The following LRRC4C variants were observed in gnomAD, a reference collection of about 807,000 sequenced individuals.
LRRC4C encodes the protein leucine-rich repeat-containing protein 4C.
In LRRC4C, 5 loss-of-function variants were observed where a neutral mutation model predicts 33.6. That is an observed-to-expected ratio of 0.15 (90% CI 0.08 to 0.31). The LOEUF (loss-of-function observed/expected upper bound fraction) is 0.31, where lower values mean the gene tolerates loss of function less well. Among genes scored for constraint, LRRC4C ranks in the 10% least tolerant of loss-of-function variants. The probability of loss-of-function intolerance (pLI) is 1.00; values close to 1 mark genes in which losing one functional copy is unlikely to be tolerated. For synonymous variants in LRRC4C, 329 were observed against 302.0 expected, an observed-to-expected ratio of 1.09 and a Z score of -0.93; for missense variants, 560 against 796.7, an observed-to-expected ratio of 0.70 and a Z score of 3.58.
intron 3 of LRRC4C, among the ~76,000 whole-genome samples, chr11:40,423,394 G>T (rs1004438396): frequency 4.2e-5 from 6 of 143,030 alleles, no homozygotes; most frequent in Non-Finnish European, 3.0e-5. Flanking sequence ...GCCCAGGCTG[G>T]AGTGCAGTGG....
chr11:40,175,434 C>CA (rs1860397107), intron 5 of LRRC4C, among the ~76,000 whole-genome samples: 1 of 152,168 alleles, frequency 6.6e-6, no homozygotes, highest in African/African-American at 2.4e-5. Flanking sequence ...TTCTTCTACT[C>CA]AAACAAAACA....
intron 1 of LRRC4C, among the ~76,000 whole-genome samples, chr11:41,163,981 G>C (rs969474177): frequency 6.6e-6 from 1 of 151,970 alleles, no homozygotes; most frequent in African/African-American, 2.4e-5. Flanking sequence ...CATATTTATG[G>C]GGTACAGCTG....
intron 1 of LRRC4C, among the ~76,000 whole-genome samples, chr11:41,296,577 T>G (rs953200503): frequency 6.6e-6 from 1 of 152,108 alleles, no homozygotes; most frequent in African/African-American, 2.4e-5. Flanking sequence ...AGCCTCCCAG[T>G]GTGCTGGGAT....
intron 2 of LRRC4C, among the ~76,000 whole-genome samples, chr11:40,779,497 T>C (rs1187924298): frequency 2.0e-5 from 3 of 152,224 alleles, no homozygotes; most frequent in Non-Finnish European, 4.4e-5. Context: ...TATTAATATA[T>C]GTGCTCATTT....
At chr11:41,376,135 A>G (rs1409937853) in intron 1 of LRRC4C, among the ~76,000 whole-genome samples, 1 of 150,992 alleles carries the variant, frequency 6.6e-6, no homozygotes, top group East Asian at 1.9e-4. Context: ...CTCTGTAGAG[A>G]AAGAAAAAAA....
intron 3 of LRRC4C, among the ~76,000 whole-genome samples, chr11:40,540,148 T>C (rs961092214): frequency 2.6e-5 from 4 of 152,202 alleles, no homozygotes; most frequent in Non-Finnish European, 5.9e-5. Context: ...GCACCAACTC[T>C]ACTATTCAGT....
chr11:41,083,744 A>G (rs1232725594), intron 1 of LRRC4C, among the ~76,000 whole-genome samples: 1 of 152,220 alleles, frequency 6.6e-6, no homozygotes, highest in Admixed American at 6.5e-5. Context: ...ATGCTGCAGC[A>G]GAGATAATGT....
intron 5 of LRRC4C, among the ~76,000 whole-genome samples, chr11:40,239,989 C>A (rs1014643411): frequency 2.0e-5 from 3 of 152,198 alleles, no homozygotes; most frequent in Admixed American, 2.0e-4. Context: ...CACCCCCAGA[C>A]AACCTGAATC....
chr11:40,148,914 C>T (rs368011994), intron 5 of LRRC4C, among the ~76,000 whole-genome samples: 2 of 152,274 alleles, frequency 1.3e-5, no homozygotes, highest in Admixed American at 6.5e-5. Context: ...GCCAGTTACC[C>T]CAGCACTATT....
intron 1 of LRRC4C, among the ~76,000 whole-genome samples, chr11:41,369,266 A>C (rs1420148449): frequency 6.6e-6 from 1 of 152,338 alleles, no homozygotes; most frequent in Admixed American, 6.5e-5. Flanking sequence ...ATAGAAGAAC[A>C]TTATGCCCAA....
chr11:40,235,280 A>G lies in LRRC4C; in HGVS notation c.-96+6239T>C, dbSNP rs553573914. 3.3e-4 allele frequency among the ~76,000 whole-genome samples: 51 copies of G among 152,336 alleles called. 1 individual carries two copies. In the South Asian group the frequency reaches 0.011, roughly 32 times the overall value. ...ATATGCTTGTAAAACATTTAGCCCA[A>G]TAGCTGGATTATAATGAATGCCCAA... On this transcript the variant is annotated intron_variant, in intron 5 of 6. Transcript: ENST00000528697.
At chr11:40,753,400 T>C (rs1948791047) in intron 2 of LRRC4C, among the ~76,000 whole-genome samples, 1 of 151,572 alleles carries the variant, frequency 6.6e-6, no homozygotes. Context: ...GTACCATATA[T>C]ATGTAAAATA....
chr11:40,751,163 A>T (rs992587946), intron 2 of LRRC4C, among the ~76,000 whole-genome samples: 1 of 152,172 alleles, frequency 6.6e-6, no homozygotes, highest in African/African-American at 2.4e-5. Context: ...TTAACATCAT[A>T]ATCAAGGGGG....
At chr11:40,679,550 G>A (rs907613910) in intron 2 of LRRC4C, among the ~76,000 whole-genome samples, 1 of 152,160 alleles carries the variant, frequency 6.6e-6, no homozygotes, top group African/African-American at 2.4e-5. Context: ...TGCAGTCTAG[G>A]GACTTGGGGC....
chr11:40,476,342 CTTTT>C (rs71308392), intron 3 of LRRC4C, among the ~76,000 whole-genome samples: 3 of 81,370 alleles, frequency 3.7e-5, no homozygotes, highest in African/African-American at 8.9e-5. Flanking sequence ...TTTTTTTCTT[CTTTT>C]TTTTTTTTTT....
At position 40,384,958 on chromosome 11, in the gene LRRC4C, TTAC is replaced by T. The variant is rs543339952; in HGVS notation, c.-269-65240_-269-65238del. ...ATAAGAATTTTTTCTAAAACTATTTTTACTACATTATTTTGCATATTTTTGTAT... is the reference window on the plus strand; with the variant it reads ...ATAAGAATTTTTTCTAAAACTATTTTTACATTATTTTGCATATTTTTGTAT... On this transcript the variant is annotated intron_variant, in intron 3 of 6. Coordinates refer to ENST00000528697, the MANE Select transcript of LRRC4C (RefSeq NM_001258419.2). Among the ~76,000 whole-genome samples, 433 of 152,338 alleles carry T rather than the reference TTAC, an allele frequency of 2.8e-3. 1 individual carries two copies. Among genetic ancestry groups the T allele is most frequent in the African/African-American group, 9.8e-3 (408 of 41,582 alleles).
intron 3 of LRRC4C, among the ~76,000 whole-genome samples, chr11:40,400,340 A>G (rs1949711571): frequency 6.6e-6 from 1 of 152,102 alleles, no homozygotes. Context: ...TTATTTCATG[A>G]CGATCTCCAA....
At chr11:41,407,389 T>TTGCCAAGTTGGCAAGCCTACAA (rs903032775) in intron 1 of LRRC4C, among the ~76,000 whole-genome samples, 1 of 151,036 alleles carries the variant, frequency 6.6e-6, no homozygotes, top group African/African-American at 2.4e-5. Context: ...GCAACCTAGA[T>TTGCCAAGTTGGCAAGCCTACAA]CTCCCAGGCT....
At chr11:41,399,062 C>T (rs1953929870) in intron 1 of LRRC4C, among the ~76,000 whole-genome samples, 1 of 151,914 alleles carries the variant, frequency 6.6e-6, no homozygotes, top group African/African-American at 2.4e-5. Context: ...CTAGAAAGAA[C>T]TGACCAAAGC....
Sources: gnomAD v4.1 joint callset for allele counts (sites outside exome capture counted in the v4.1 genomes callset) on GRCh38, gnomAD v4.1.1 for gene constraint, MANE v1.5 for transcripts, NCBI Gene and HGNC (gene_info 2026-07-23, HGNC 2026-07-21) for gene names.